The following GRM6 variants were observed in gnomAD, a reference collection of about 807,000 sequenced individuals.
The protein encoded by GRM6 is glutamate metabotropic receptor 6, also known as metabotropic glutamate receptor 6.
A neutral mutation model predicts 78.4 loss-of-function variants in GRM6; 73 were observed. The ratio of observed to expected loss-of-function variants is 0.93; its 90% CI spans 0.77 to 1.13. The LOEUF (loss-of-function observed/expected upper bound fraction) is 1.13, where lower values mean the gene tolerates loss of function less well. Among genes scored for constraint, GRM6 ranks in the 50% most tolerant of loss-of-function variants. The pLI is 0.00. For synonymous variants in GRM6, 580 were observed against 555.0 expected (o/e 1.05, Z -0.63); for missense variants, 1,251 against 1,256.4 (o/e 1.00, Z 0.07).
In GRM6 at chr5:178,991,280, C is replaced by G. The variant is rs191364555; in HGVS notation, c.857+144G>C. 4,887 of 856,518 alleles carry G rather than the reference C, an allele frequency of 5.7e-3. 78 individuals carry two copies. The highest frequency in any genetic ancestry group is 0.017 in the Middle Eastern group (52 of 3,080). The allele number at this position is 856,518 out of a possible 1,614,324, so 53.1% of individuals were successfully genotyped here. ...TGCTTCTGAGCCTGGGCACCAGACT[C>G]AGAGGCAGCAGCAGGGAAGGTGGGG... On this transcript the variant is annotated intron_variant, in intron 4 of 10. Transcript: ENST00000517717. This position sits in a 1 kb window ranked among gnomAD's most constrained non-coding sequence, Gnocchi z 5.0.
chr5:178,983,517 G>C, intron 9 of GRM6: 2 of 610,862 alleles, frequency 3.3e-6, no homozygotes, highest in Non-Finnish European at 6.1e-6. Flanking sequence ...GGGCAGCTTG[G>C]TGTCCTCTTC....
intron 5 of GRM6, 151 bp downstream of exon 5, chr5:178,990,441 G>A (rs1368068544): frequency 1.5e-5 from 11 of 725,202 alleles, no homozygotes; most frequent in African/African-American, 3.5e-5. Flanking sequence ...TTGGAGGGAC[G>A]CGTCCACAGA....
chr5:178,992,784 G>C lies in GRM6; in HGVS notation c.505-701C>G, dbSNP rs1394049522. ...GAGGGGGAGTTTCTGGAAGGAGGGAGGGGGGCTGGTCCAGGGTTGTTTGAA... is the reference window on the plus strand; with the variant it reads ...GAGGGGGAGTTTCTGGAAGGAGGGACGGGGGCTGGTCCAGGGTTGTTTGAA... On this transcript the variant is annotated intron_variant, in intron 2 of 10. Coordinates refer to ENST00000517717, the MANE Select transcript of GRM6 (RefSeq NM_000843.4). This position sits in a 1 kb window ranked among gnomAD's most constrained non-coding sequence, Gnocchi z 4.9. Among the ~76,000 whole-genome samples, 20 of 152,012 alleles carry C rather than the reference G, an allele frequency of 1.3e-4. No homozygotes were observed. Among genetic ancestry groups the C allele is most frequent in the Non-Finnish European group, 1.5e-5 (1 of 68,000 alleles).
At chr5:178,984,674 G>A (rs567887563) in intron 9 of GRM6, among the ~76,000 whole-genome samples, 74 of 152,272 alleles carry the variant, frequency 4.9e-4, no homozygotes, top group African/African-American at 1.7e-3. Flanking sequence ...TGCGGCACAC[G>A]GAGACCCTGG....
intron 10 of GRM6, among the ~76,000 whole-genome samples, chr5:178,982,145 T>A (rs1760406938): frequency 6.6e-6 from 1 of 152,076 alleles, no homozygotes; most frequent in Non-Finnish European, 1.5e-5. Flanking sequence ...TTCAAATACA[T>A]ACAAATGAAT....
chr5:178,986,760 C>G lies in GRM6; in HGVS notation c.1501-7G>C. ...ACCACTGCAGGGCCTCCACCTGGGACGCACAAAACACAGGCTGGGGCGTCT... is the reference window on the plus strand; with the variant it reads ...ACCACTGCAGGGCCTCCACCTGGGAGGCACAAAACACAGGCTGGGGCGTCT... On this transcript the variant is annotated splice_polypyrimidine_tract_variant and splice_region_variant and intron_variant, in intron 8 of 10. Transcript: ENST00000517717. 1 of 1,608,990 alleles carries G rather than the reference C, an allele frequency of 6.2e-7. No individual in the cohort carries two copies. The highest frequency in any genetic ancestry group is 8.5e-7 in the Non-Finnish European group (1 of 1,179,458).
In GRM6 at chr5:178,979,341, A is replaced by C. The variant is rs925226658; in HGVS notation, c.*2316T>G. 17 of 152,280 alleles carry C rather than the reference A, an allele frequency of 1.1e-4. No individual in the cohort carries two copies. The highest frequency in any genetic ancestry group is 3.9e-4 in the African/African-American group (16 of 41,474). The allele number at this position is 152,280 out of a possible 1,614,324, so 9.4% of individuals were successfully genotyped here. A position where few individuals can be genotyped will look rare whatever the true frequency, so the allele number is the denominator to read the frequency against. On this transcript the variant is annotated 3_prime_UTR_variant, in exon 11 of 11. Coordinates refer to ENST00000517717, the MANE Select transcript of GRM6 (RefSeq NM_000843.4). ...TTGTGGAAGTCAGTTATTTGTGTAC[A>C]TCAGAAAATTCTGGAAGGAGAGAAA...
intron 7 of GRM6, among the ~76,000 whole-genome samples, chr5:178,987,938 T>G (rs1760601015): frequency 1.4e-5 from 2 of 147,612 alleles, no homozygotes; most frequent in South Asian, 4.6e-4. Context: ...TTTTGTATTT[T>G]TAGTAGAGAT....
At position 178,988,419 on chromosome 5, in the gene GRM6, C is replaced by T. The variant is rs143510176; in HGVS notation, c.1354+516G>A. ...GATTGAACAGAAAGTCATCTCTCCA[C>T]AAACCGTGGACAGAGCTTGAGTCCA... On this transcript the variant is annotated intron_variant, in intron 7 of 10. Coordinates refer to ENST00000517717, the MANE Select transcript of GRM6 (RefSeq NM_000843.4). This position sits in a 1 kb window ranked among gnomAD's most constrained non-coding sequence, Gnocchi z 6.0. Among the ~76,000 whole-genome samples the T allele has an allele frequency of 1.4e-4, 22 of 152,214 alleles. No individual in the cohort carries two copies. The highest frequency in any genetic ancestry group is 2.8e-4 in the Non-Finnish European group (19 of 68,002).
intron 5 of GRM6, chr5:178,989,953 T>A (rs1276320713): frequency 4.9e-6 from 1 of 206,120 alleles, no homozygotes; most frequent in Non-Finnish European, 9.9e-6. Context: ...GATGCCTTTA[T>A]CGCTAAAACT....
At chr5:178,984,375 C>G (rs1220167615) in intron 9 of GRM6, among the ~76,000 whole-genome samples, 2 of 152,180 alleles carry the variant, frequency 1.3e-5, no homozygotes, top group Non-Finnish European at 2.9e-5. Flanking sequence ...GAGGAAAGCC[C>G]CATGGCCGGC....
At position 178,978,531 on chromosome 5, in the gene GRM6, C is replaced by G. The variant is rs539994152; in HGVS notation, c.*3126G>C. ...TAAGAAAATGGTTACTATACAGAAG[C>G]TCTTCTGTAGAAGTCTCAACACAGT... On this transcript the variant is annotated 3_prime_UTR_variant, in exon 11 of 11. Transcript: ENST00000517717. The G allele has an allele frequency of 3.3e-5, 5 of 152,212 alleles. No individual in the cohort carries two copies. Among genetic ancestry groups the G allele is most frequent in the Non-Finnish European group, 7.3e-5 (5 of 68,042 alleles). The allele number at this position is 152,212 out of a possible 1,614,324, so 9.4% of individuals were successfully genotyped here.
intron 2 of GRM6, among the ~76,000 whole-genome samples, chr5:178,993,057 C>T (rs1168156442): frequency 6.6e-6 from 1 of 152,164 alleles, no homozygotes. Context: ...CCTGGACCTC[C>T]TGAGGGAAGT....
intron 7 of GRM6, 148 bp from the exon 8 acceptor site, chr5:178,987,131 C>G (rs1581895391): frequency 3.8e-6 from 3 of 797,558 alleles, no homozygotes; most frequent in Non-Finnish European, 6.3e-6. Context: ...GCAGGGAGAT[C>G]CCCCTTCACC....
rs1214377676 is a variant in GRM6 at position 178,990,771 on chromosome 5, G to T, written c.858-25C>A. The T allele has an allele frequency of 1.1e-5, 17 of 1,542,396 alleles. No homozygotes were observed. The South Asian group carries it at 1.9e-4, about 17-fold the overall frequency. Reference sequence around the variant, plus strand: ...CCTGGTAGGAGCAGGGCTGGGGTGAGGGAGGGCCTGGGAGCCTCCTCCAGC... The same window carrying T: ...CCTGGTAGGAGCAGGGCTGGGGTGATGGAGGGCCTGGGAGCCTCCTCCAGC... On this transcript the variant is annotated intron_variant, in intron 4 of 10. Coordinates refer to ENST00000517717, the MANE Select transcript of GRM6 (RefSeq NM_000843.4).
chr5:178,984,491 G>T (rs148913613), intron 9 of GRM6, among the ~76,000 whole-genome samples: 5 of 152,186 alleles, frequency 3.3e-5, no homozygotes, highest in Non-Finnish European at 7.3e-5. Flanking sequence ...TTGCAGGCTT[G>T]TGTGTTTTTA....
intron 9 of GRM6, chr5:178,985,476 G>A (rs373286252): frequency 1.2e-4 from 42 of 341,860 alleles, no homozygotes; most frequent in Non-Finnish European, 1.9e-4. Context: ...GGCCGAGGTG[G>A]GCGGATCACG....
chr5:178,988,805 G>T lies in GRM6; in HGVS notation c.1354+130C>A, dbSNP rs377244986. 2.8e-6 allele frequency: 2 copies of T among 722,218 alleles called. No individual in the cohort carries two copies. Among genetic ancestry groups the T allele is most frequent in the Non-Finnish European group, 2.4e-6 (1 of 413,018 alleles). 44.7% of individuals were successfully genotyped at this position (722,218 alleles called of 1,614,324 possible). On this transcript the variant is annotated intron_variant, in intron 7 of 10. Coordinates refer to ENST00000517717, the MANE Select transcript of GRM6 (RefSeq NM_000843.4). This position sits in a 1 kb window ranked among gnomAD's most constrained non-coding sequence, Gnocchi z 6.0. ...ACTTGTCTCATGTCTTTGGCACTCAGCCCCAGGCACCCCCATTAGACCACT... is the reference window on the plus strand; with the variant it reads ...ACTTGTCTCATGTCTTTGGCACTCATCCCCAGGCACCCCCATTAGACCACT...
chr5:178,980,290 A>G lies in GRM6; in HGVS notation c.*1367T>C, dbSNP rs1256801553. The G allele has an allele frequency of 6.5e-6, 1 of 154,404 alleles. No homozygotes were observed. The highest frequency in any genetic ancestry group is 2.4e-5 in the African/African-American group (1 of 41,518). The allele number at this position is 154,404 out of a possible 1,614,324, so 9.6% of individuals were successfully genotyped here. On this transcript the variant is annotated 3_prime_UTR_variant, in exon 11 of 11. Coordinates refer to ENST00000517717, the MANE Select transcript of GRM6 (RefSeq NM_000843.4). This position sits in a 1 kb window ranked among gnomAD's most constrained non-coding sequence, Gnocchi z 4.3. The stretch of plus-strand genomic sequence containing the variant: ...TAAATTCTACTCCCAGGGACATAAA[A>G]CTCCATAACTTAAACCAAGCTTTTT...
Sources: gnomAD v4.1 joint callset for allele counts (sites outside exome capture counted in the v4.1 genomes callset) on GRCh38, gnomAD v4.1.1 for gene constraint, Gnocchi (gnomAD v3.1) non-coding constraint, MANE v1.5 for transcripts, NCBI Gene and HGNC (gene_info 2026-07-23, HGNC 2026-07-21) for gene names.